GRM5: variants seen among roughly 807,000 people sequenced by gnomAD.
GRM5 encodes metabotropic glutamate receptor 5.
A neutral mutation model predicts 83.1 loss-of-function variants in GRM5; 19 were observed. The ratio of observed to expected loss-of-function variants is 0.23; its 90% CI spans 0.16 to 0.34. The LOEUF is 0.34. Among genes scored for constraint, GRM5 ranks in the 10% least tolerant of loss-of-function variants. The pLI, the probability that GRM5 is intolerant of heterozygous loss-of-function variation, is 1.00. For synonymous variants in GRM5, 675 were observed against 633.6 expected, an observed-to-expected ratio of 1.07 and a Z score of -0.98; for missense variants, 1,160 against 1,588.3, an observed-to-expected ratio of 0.73 and a Z score of 4.58.
intron 8 of GRM5, among the ~76,000 whole-genome samples, chr11:88,556,238 G>A (rs112331386): frequency 2.0e-5 from 3 of 152,072 alleles, no homozygotes; most frequent in African/African-American, 7.2e-5. Context: ...CTGTCTATTA[G>A]GTGGGGTCAT....
intron 7 of GRM5, among the ~76,000 whole-genome samples, chr11:88,571,585 A>G (rs992968899): frequency 9.2e-5 from 14 of 152,186 alleles, no homozygotes; most frequent in African/African-American, 3.1e-4. Context: ...TAAACTCAGA[A>G]GATTTTGAGT....
intron 2 of GRM5, among the ~76,000 whole-genome samples, chr11:88,914,731 A>G (rs1945561221): frequency 6.6e-6 from 1 of 152,210 alleles, no homozygotes; most frequent in Non-Finnish European, 1.5e-5. Context: ...ATAGTGAATT[A>G]AAGGTCAACA....
intron 3 of GRM5, among the ~76,000 whole-genome samples, chr11:88,796,677 T>C (rs990289779): frequency 6.6e-6 from 1 of 152,174 alleles, no homozygotes; most frequent in Non-Finnish European, 1.5e-5. Context: ...TCCTGCATTA[T>C]ATATGTCTTA....
chr11:88,728,734 A>G (rs572431258), intron 3 of GRM5, among the ~76,000 whole-genome samples: 1 of 152,328 alleles, frequency 6.6e-6, no homozygotes, highest in South Asian at 2.1e-4. Context: ...GCAAATCAAT[A>G]AACACAATCC....
At chr11:88,599,263 C>A (rs1227336657) in intron 5 of GRM5, among the ~76,000 whole-genome samples, 1 of 152,166 alleles carries the variant, frequency 6.6e-6, no homozygotes, top group Non-Finnish European at 1.5e-5. Context: ...TCACATTTGA[C>A]AGGGAACTTG....
chr11:88,956,678 G>A (rs934867158), intron 2 of GRM5, among the ~76,000 whole-genome samples: 10 of 152,102 alleles, frequency 6.6e-5, no homozygotes, highest in Non-Finnish European at 1.3e-4. Context: ...CGGTGGCGGG[G>A]GCCTGTAGTC....
intron 4 of GRM5, among the ~76,000 whole-genome samples, chr11:88,630,305 G>A (rs1424912606): frequency 6.6e-6 from 1 of 151,930 alleles, no homozygotes; most frequent in South Asian, 2.1e-4. Flanking sequence ...TGTCTGTTTT[G>A]TTTACTTCTG....
intron 2 of GRM5, among the ~76,000 whole-genome samples, chr11:88,977,145 A>C (rs1282993406): frequency 6.6e-6 from 1 of 150,856 alleles, no homozygotes; most frequent in Non-Finnish European, 1.5e-5. Context: ...TGAATTTGAG[A>C]AATTCATCCC....
intron 8 of GRM5, among the ~76,000 whole-genome samples, chr11:88,555,389 G>A (rs1391646928): frequency 1.3e-5 from 2 of 152,090 alleles, no homozygotes; most frequent in Non-Finnish European, 2.9e-5. Context: ...AGAGTCTCAC[G>A]CGACTGGACT....
At chr11:88,774,323 T>C (rs1422714022) in intron 3 of GRM5, among the ~76,000 whole-genome samples, 1 of 152,234 alleles carries the variant, frequency 6.6e-6, no homozygotes, top group Non-Finnish European at 1.5e-5. Context: ...TTGCTGAAGT[T>C]GCTTATCAGC....
At chr11:88,635,480 T>C (rs771912256) in intron 4 of GRM5, among the ~76,000 whole-genome samples, 8 of 152,206 alleles carry the variant, frequency 5.3e-5, no homozygotes, top group Admixed American at 1.3e-4. Flanking sequence ...TTTTGAGAAA[T>C]GTGTATTCAA....
intron 9 of GRM5, among the ~76,000 whole-genome samples, chr11:88,523,640 TAC>T (rs1941767054): frequency 6.6e-6 from 1 of 151,822 alleles, no homozygotes; most frequent in South Asian, 2.1e-4. Flanking sequence ...CCTACACATG[TAC>T]ACACACTATC....
At chr11:88,757,916 G>A (rs1055396684) in intron 3 of GRM5, among the ~76,000 whole-genome samples, 1 of 152,114 alleles carries the variant, frequency 6.6e-6, no homozygotes, top group Admixed American at 6.6e-5. Context: ...CTAACCTTGA[G>A]GAGCCAGAGA....
intron 9 of GRM5, 100 bp downstream of exon 9, chr11:88,525,209 G>A: frequency 4.0e-6 from 3 of 744,728 alleles, no homozygotes; most frequent in Non-Finnish European, 4.8e-6. Context: ...CACTGTATGA[G>A]TTGCACAGTT....
intron 3 of GRM5, among the ~76,000 whole-genome samples, chr11:88,686,655 C>T (rs1272458193): frequency 6.6e-6 from 1 of 152,034 alleles, no homozygotes; most frequent in Non-Finnish European, 1.5e-5. Context: ...CAAGGGGGAC[C>T]TTTCCCCCAT....
chr11:88,993,065 G>C (rs1940039812), intron 2 of GRM5, among the ~76,000 whole-genome samples: 1 of 150,158 alleles, frequency 6.7e-6, no homozygotes, highest in Admixed American at 6.6e-5. Context: ...TAAAAAAAAA[G>C]ATCATCCTAT....
chr11:88,604,860 G>T lies in GRM5; in HGVS notation c.1252C>A (p.Leu418Ile). 1.2e-6 allele frequency: 2 copies of T among 1,613,346 alleles called. No homozygotes were observed. Among genetic ancestry groups the T allele is most frequent in the Non-Finnish European group, 1.7e-6 (2 of 1,179,278 alleles). The change falls in exon 5 of 10, where the codon CTC (leucine) becomes ATC (isoleucine). Residue 418 changes from leucine to isoleucine, a missense_variant. Physicochemically the swap from Leu to Ile is conservative, Grantham distance 5. This residue lies in a region of GRM5 where 132 missense variants were observed against 197.6 expected (regional missense o/e 0.67). Coordinates refer to ENST00000305447, the MANE Select transcript of GRM5 (RefSeq NM_001143831.3). ...CAGAGTCCTGCATAGCCTGGGCAGA[G>T]GGACATCTGCATGTTGTGGAGCCCA... is the stretch of plus-strand genomic sequence containing the variant. ...AYGLHNMQMS[L>I]CPGYAGLCDA...
intron 3 of GRM5, among the ~76,000 whole-genome samples, chr11:88,801,516 G>A (rs1401654265): frequency 1.3e-5 from 2 of 152,106 alleles, no homozygotes; most frequent in East Asian, 3.9e-4. Flanking sequence ...GAACAATTTA[G>A]TTATTTGAGA....
chr11:88,904,141 G>T (rs1479653994), intron 2 of GRM5, among the ~76,000 whole-genome samples: 1 of 152,148 alleles, frequency 6.6e-6, no homozygotes, highest in African/African-American at 2.4e-5. Context: ...GCAGAGAGTT[G>T]ACAAATGAGG....
Sources: gnomAD v4.1 joint callset for allele counts (sites outside exome capture counted in the v4.1 genomes callset) on GRCh38, gnomAD v4.1.1 for gene constraint, gnomAD v4.1.1 regional missense constraint, MANE v1.5 for transcripts, NCBI Gene and HGNC (gene_info 2026-07-23, HGNC 2026-07-21) for gene names.